PITPNM2: variants seen among roughly 807,000 people sequenced by gnomAD.
PITPNM2 encodes the protein phosphatidylinositol transfer protein membrane associated 2, also known as membrane-associated phosphatidylinositol transfer protein 2.
In PITPNM2, 35 loss-of-function variants were observed where a neutral mutation model predicts 132.2. The ratio of observed to expected loss-of-function variants is 0.26; its 90% CI spans 0.20 to 0.35. The LOEUF is 0.35. Ranked by LOEUF, PITPNM2 falls within the 10% of genes least tolerant of loss-of-function variation. The pLI, the probability that PITPNM2 is intolerant of heterozygous loss-of-function variation, is 1.00. For missense variants in PITPNM2, 1,332 were observed against 1,912.0 expected (o/e 0.70, Z 5.66); for synonymous variants, 738 against 799.2 (o/e 0.92, Z 1.29).
At position 122,995,474 on chromosome 12, in the gene PITPNM2, G is replaced by A; in HGVS notation, c.1969C>T (p.Pro657Ser). 6.2e-7 allele frequency: 1 copy of A among 1,614,010 alleles called. No individual in the cohort carries two copies. Among genetic ancestry groups the A allele is most frequent in the South Asian group, 1.1e-5 (1 of 91,074 alleles). Residue 657 changes from proline to serine, a missense_variant, in exon 14 of 26, where the codon CCC becomes TCC. Physicochemically the swap from Pro to Ser is moderately conservative, Grantham distance 74. Around this residue, in one of 6 missense-constraint regions of PITPNM2, gnomAD observed 710 missense variants for 911.5 expected, o/e 0.78. Coordinates refer to ENST00000320201, the MANE Select transcript of PITPNM2 (RefSeq NM_020845.3). ...CTCTTGCGGGGCAGTTGCCTTTTGG[G>A]GTCCTCAGTGCCGTTGCTGCGGGGG... ...DIPRSNGTED[P>S]KRQLPRKRSD...
At chr12:123,146,126 G>C (rs759444278) in intron 1 of PITPNM2, among the ~76,000 whole-genome samples, 8 of 152,074 alleles carry the variant, frequency 5.3e-5, no homozygotes, top group African/African-American at 1.7e-4. Flanking sequence ...GACACATAGA[G>C]GGGGGTAACA....
intron 3 of PITPNM2, among the ~76,000 whole-genome samples, chr12:123,018,276 C>A (rs924027438): frequency 7.4e-6 from 1 of 134,314 alleles, no homozygotes; most frequent in African/African-American, 2.6e-5. Flanking sequence ...TTTTTAATTT[C>A]TTTTCTTTTT....
chr12:122,995,072 G>T, intron 14 of PITPNM2, 93 bp from the exon 15 acceptor site: 2 of 1,357,432 alleles, frequency 1.5e-6, no homozygotes, highest in Middle Eastern at 2.6e-4. Flanking sequence ...AACCTCTCTC[G>T]GGGGCCCACT....
chr12:123,003,567 C>T (rs1367505624), intron 8 of PITPNM2, among the ~76,000 whole-genome samples: 1 of 152,226 alleles, frequency 6.6e-6, no homozygotes, highest in East Asian at 1.9e-4. Flanking sequence ...CACTGACTCC[C>T]CAGGTTCCTT....
chr12:123,132,326 C>G (rs2043283570), intron 1 of PITPNM2, among the ~76,000 whole-genome samples: 1 of 152,144 alleles, frequency 6.6e-6, no homozygotes, highest in African/African-American at 2.4e-5. Context: ...GGGTACACTG[C>G]TGAGCAAGGA....
intron 2 of PITPNM2, among the ~76,000 whole-genome samples, chr12:123,073,835 C>G (rs529661853): frequency 6.6e-6 from 1 of 152,338 alleles, no homozygotes; most frequent in Non-Finnish European, 1.5e-5. Context: ...AGCTCATCCC[C>G]AGGCTGCCTG....
chr12:123,066,189 G>A (rs764366808), intron 2 of PITPNM2, among the ~76,000 whole-genome samples: 10 of 152,186 alleles, frequency 6.6e-5, no homozygotes, highest in East Asian at 1.9e-4. Context: ...TGATGTATCC[G>A]AGAGGAGCTC....
intron 2 of PITPNM2, among the ~76,000 whole-genome samples, chr12:123,069,703 C>T (rs1369697769): frequency 6.6e-6 from 1 of 152,198 alleles, no homozygotes; most frequent in Non-Finnish European, 1.5e-5. Flanking sequence ...CACATGTTTG[C>T]CTTGGAGCTC....
chr12:123,066,035 T>C (rs892587604), intron 2 of PITPNM2, among the ~76,000 whole-genome samples: 3 of 152,232 alleles, frequency 2.0e-5, no homozygotes, highest in Non-Finnish European at 4.4e-5. Context: ...TCCAGCCCTG[T>C]ATGCGTTTGT....
intron 2 of PITPNM2, among the ~76,000 whole-genome samples, chr12:123,057,961 C>T (rs2041095738): frequency 6.6e-6 from 1 of 152,174 alleles, no homozygotes; most frequent in Admixed American, 6.5e-5. Flanking sequence ...TGTGACCCTC[C>T]GTGCCAGCTG....
At chr12:123,025,596 C>T (rs2039835959) in intron 3 of PITPNM2, among the ~76,000 whole-genome samples, 1 of 152,062 alleles carries the variant, frequency 6.6e-6, no homozygotes, top group Non-Finnish European at 1.5e-5. Flanking sequence ...CCACACCTGG[C>T]TAATTTTGTA....
In PITPNM2 at chr12:122,994,144, A is replaced by T. The variant is rs969715076; in HGVS notation, c.2233+657T>A. 1.3e-5 allele frequency among the ~76,000 whole-genome samples: 2 copies of T among 152,198 alleles called. No individual in the cohort carries two copies. Among genetic ancestry groups the T allele is most frequent in the Non-Finnish European group, 2.9e-5 (2 of 68,034 alleles). The stretch of plus-strand genomic sequence containing the variant: ...CCGCCTCGGCCTCCCAAAGTGCTGG[A>T]TTACAGGCGTGAGCCACCGCGCCCG... On this transcript the variant is annotated intron_variant, in intron 15 of 25. Coordinates refer to ENST00000320201, the MANE Select transcript of PITPNM2 (RefSeq NM_020845.3). The surrounding 1 kb of genome is among the most constrained non-coding windows in gnomAD (Gnocchi z 5.4).
At chr12:123,013,222 C>T (rs921945199) in intron 4 of PITPNM2, among the ~76,000 whole-genome samples, 2 of 152,200 alleles carry the variant, frequency 1.3e-5, no homozygotes, top group African/African-American at 2.4e-5. Flanking sequence ...TGCCCACCAG[C>T]GTGGGGAAGG....
Position 122,984,237 on chromosome 12 carries a change from ACT to A in PITPNM2, c.*1788_*1789del, listed in dbSNP as rs2037844938. On this transcript the variant is annotated 3_prime_UTR_variant, in exon 26 of 26. Transcript: ENST00000320201. The stretch of plus-strand genomic sequence containing the variant: ...GGCCTTTATTGCAGGAGGGCCCGAG[ACT>A]CTTCCAGGTGCTTCTCTGGATGGCT... 6.6e-6 allele frequency: 1 copy of A among 152,524 alleles called. No homozygotes were observed. Among genetic ancestry groups the A allele is most frequent in the African/African-American group, 2.4e-5 (1 of 41,426 alleles). 9.4% of individuals were successfully genotyped at this position (152,524 alleles called of 1,614,324 possible).
At chr12:123,146,165 G>A (rs2137711920) in intron 1 of PITPNM2, among the ~76,000 whole-genome samples, 1 of 152,246 alleles carries the variant, frequency 6.6e-6, no homozygotes, top group East Asian at 1.9e-4. Context: ...AGGGTGGAGG[G>A]TGGGAGGAGG....
rs904381910 is a variant in PITPNM2, at chr12:123,106,179, A to G, written c.-96+4206T>C. Among the ~76,000 whole-genome samples the G allele has an allele frequency of 2.6e-5, 4 of 152,358 alleles. No homozygotes were observed. The highest frequency in any genetic ancestry group is 2.6e-4 in the Admixed American group (4 of 15,308). ...CCAGAAGACATCCTTCTGAAGCACAATTCGACACAAGCCAGAGGAATGCAG... is the reference window on the plus strand; with the variant it reads ...CCAGAAGACATCCTTCTGAAGCACAGTTCGACACAAGCCAGAGGAATGCAG... On this transcript the variant is annotated intron_variant, in intron 2 of 25. Transcript: ENST00000320201. The surrounding 1 kb of genome is among the most constrained non-coding windows in gnomAD (Gnocchi z 4.4).
intron 2 of PITPNM2, among the ~76,000 whole-genome samples, chr12:123,067,046 T>A (rs529970051): frequency 6.6e-6 from 1 of 152,334 alleles, no homozygotes; most frequent in South Asian, 2.1e-4. Flanking sequence ...AATGTGACCT[T>A]ATTTGGAAAT....
chr12:123,056,619 C>T (rs895109279), intron 2 of PITPNM2, among the ~76,000 whole-genome samples: 4 of 152,028 alleles, frequency 2.6e-5, no homozygotes, highest in East Asian at 1.9e-4. Context: ...CTGAGCTGCC[C>T]GGCCCTCTTC....
At chr12:123,098,629 T>G (rs1396895720) in intron 2 of PITPNM2, among the ~76,000 whole-genome samples, 1 of 152,130 alleles carries the variant, frequency 6.6e-6, no homozygotes, top group Non-Finnish European at 1.5e-5. Flanking sequence ...GAGGATTGCT[T>G]GAGCCCAGGA....
Sources: allele counts gnomAD v4.1 joint callset (sites outside exome capture counted in the v4.1 genomes callset), GRCh38; gene constraint gnomAD v4.1.1; regional missense constraint gnomAD v4.1.1; non-coding constraint Gnocchi (gnomAD v3.1); transcripts MANE v1.5; gene names NCBI Gene and HGNC (gene_info 2026-07-23, HGNC 2026-07-21).